CLSTN2: variants seen among roughly 807,000 people sequenced by gnomAD.
CLSTN2 encodes calsyntenin-2.
In CLSTN2, 48 loss-of-function variants were observed where a neutral mutation model predicts 101.2. That is an observed-to-expected ratio of 0.47 (90% confidence interval 0.38 to 0.60). The LOEUF (loss-of-function observed/expected upper bound fraction) is 0.60. Among genes scored for constraint, CLSTN2 ranks in the 20% least tolerant of loss-of-function variants. The pLI, the probability that CLSTN2 is intolerant of heterozygous loss-of-function variation, is 0.00. For missense variants in CLSTN2, 1,160 were observed against 1,238.2 expected (o/e 0.94, Z 0.95); for synonymous variants, 481 against 463.6 (o/e 1.04, Z -0.48).
chr3:140,173,461 T>C (rs2010270575), intron 1 of CLSTN2, among the ~76,000 whole-genome samples: 1 of 152,184 alleles, frequency 6.6e-6, no homozygotes, highest in South Asian at 2.1e-4. Flanking sequence ...CAAGTGTCAG[T>C]GGATCTAGCA....
At chr3:140,338,455 G>A (rs1225657160) in intron 2 of CLSTN2, among the ~76,000 whole-genome samples, 1 of 152,162 alleles carries the variant, frequency 6.6e-6, no homozygotes, top group Non-Finnish European at 1.5e-5. Context: ...ATGCTCTACA[G>A]CCAGTGTTTT....
At position 140,377,954 on chromosome 3, in the gene CLSTN2, A is replaced by C. The variant is rs1046237277; in HGVS notation, c.233-25675A>C. Among the ~76,000 whole-genome samples, 82 of 152,300 alleles carry C rather than the reference A, an allele frequency of 5.4e-4. 1 individual carries two copies. The highest frequency in any genetic ancestry group is 1.9e-3 in the African/African-American group (79 of 41,560). ...CCTGTACAGGTTTACCACTTTAAAA[A>C]AATCTTTTACACCATATTTTTACTG... On this transcript the variant is annotated intron_variant, in intron 2 of 16. Coordinates refer to ENST00000458420, the MANE Select transcript of CLSTN2 (RefSeq NM_022131.3).
intron 1 of CLSTN2, among the ~76,000 whole-genome samples, chr3:139,941,745 T>C (rs558762712): frequency 1.3e-5 from 2 of 152,138 alleles, no homozygotes; most frequent in Non-Finnish European, 1.5e-5. Context: ...GTAAGAGTGA[T>C]TGGCACACAG....
At position 140,569,640 on chromosome 3, in the gene CLSTN2, A is replaced by T. The variant is rs1985461980; in HGVS notation, c.*3387A>T. Reference sequence around the variant, plus strand: ...AATTCATCTAGATACCAAAAATGTGATTTCAGTGAAATCTCTTTTCATTGC... The same window carrying T: ...AATTCATCTAGATACCAAAAATGTGTTTTCAGTGAAATCTCTTTTCATTGC... On this transcript the variant is annotated 3_prime_UTR_variant, in exon 17 of 17. Coordinates refer to ENST00000458420, the MANE Select transcript of CLSTN2 (RefSeq NM_022131.3). The T allele has an allele frequency of 6.6e-6, 1 of 152,180 alleles. No individual in the cohort carries two copies. Among genetic ancestry groups the T allele is most frequent in the Non-Finnish European group, 1.5e-5 (1 of 68,040 alleles). 9.4% of individuals were successfully genotyped at this position (152,180 alleles called of 1,614,324 possible).
At chr3:140,405,040 C>T (rs1483667490) in intron 4 of CLSTN2, among the ~76,000 whole-genome samples, 2 of 152,072 alleles carry the variant, frequency 1.3e-5, no homozygotes, top group South Asian at 2.1e-4. Flanking sequence ...ATCTAGATAC[C>T]GAAGATGGTT....
At position 140,576,070 on chromosome 3, in the gene CLSTN2, C is replaced by T. The variant is rs1985723027; in HGVS notation, c.*9817C>T. 6.6e-6 allele frequency: 1 copy of T among 152,164 alleles called. No individual in the cohort carries two copies. The highest frequency in any genetic ancestry group is 1.5e-5 in the Non-Finnish European group (1 of 68,032). The allele number at this position is 152,164 out of a possible 1,614,324, so 9.4% of individuals were successfully genotyped here. A position where few individuals can be genotyped will look rare whatever the true frequency, so the allele number is the denominator to read the frequency against. On this transcript the variant is annotated 3_prime_UTR_variant, in exon 17 of 17. Coordinates refer to ENST00000458420, the MANE Select transcript of CLSTN2 (RefSeq NM_022131.3). ...AGCTTATCACTCCTTCATAGAGACT[C>T]AGTAGTATGAGTATACCCCAAATTG...
intron 1 of CLSTN2, among the ~76,000 whole-genome samples, chr3:140,044,193 C>T (rs2007820521): frequency 6.6e-6 from 1 of 152,180 alleles, no homozygotes; most frequent in South Asian, 2.1e-4. Flanking sequence ...TTTGTGTCCT[C>T]TTTTATTTCA....
At position 139,935,457 on chromosome 3, in the gene CLSTN2, G is replaced by C. The variant is rs1935003011; in HGVS notation, c.83G>C (p.Arg28Pro). 8.1e-7 allele frequency: 1 copy of C among 1,231,456 alleles called. No homozygotes were observed. Among genetic ancestry groups the C allele is most frequent in the Non-Finnish European group, 1.0e-6 (1 of 987,204 alleles). 76.3% of individuals were successfully genotyped at this position (1,231,456 alleles called of 1,614,324 possible). The change falls in exon 1 of 17, where the codon CGG (arginine) becomes CCG (proline). Residue 28 changes from arginine to proline, a missense_variant. By Grantham distance (103) the Arg-to-Pro change is moderately radical. Coordinates refer to ENST00000458420, the MANE Select transcript of CLSTN2 (RefSeq NM_022131.3). This position sits in a 1 kb window ranked among gnomAD's most constrained non-coding sequence, Gnocchi z 5.5. Reference protein sequence around the residue: ...GSGSGGGGDSRQRRLLAAKVN... With the variant: ...GSGSGGGGDSPQRRLLAAKVN... Reference sequence around the variant, plus strand: ...GGCAGCGGCGGTGGCGGGGACAGCCGGCAGCGCCGCCTCCTCGCGGCTAAA... The same window carrying C: ...GGCAGCGGCGGTGGCGGGGACAGCCCGCAGCGCCGCCTCCTCGCGGCTAAA...
Position 140,305,050 on chromosome 3 carries a change from ACACACT to A in CLSTN2, c.233-98577_233-98572del, listed in dbSNP as rs758047661. On this transcript the variant is annotated intron_variant, in intron 2 of 16. Coordinates refer to ENST00000458420, the MANE Select transcript of CLSTN2 (RefSeq NM_022131.3). Reference sequence around the variant, plus strand: ...CACACACACACACACACACACACACACACACTCTCTCTCTCTCTCTCTGTCTCTCTT... The same window carrying A: ...CACACACACACACACACACACACACACTCTCTCTCTCTCTCTGTCTCTCTT... Among the ~76,000 whole-genome samples the A allele has an allele frequency of 6.0e-4, 88 of 145,988 alleles. No individual in the cohort carries two copies. The Middle Eastern group carries it at 0.011, about 18-fold the overall frequency.
chr3:140,321,994 C>T (rs564628138), intron 2 of CLSTN2, among the ~76,000 whole-genome samples: 19 of 152,348 alleles, frequency 1.2e-4, no homozygotes, highest in African/African-American at 4.3e-4. Context: ...AAGGCCCTCA[C>T]TGTCACTCTC....
intron 2 of CLSTN2, among the ~76,000 whole-genome samples, chr3:140,390,240 T>G (rs1485737356): frequency 6.6e-6 from 1 of 152,178 alleles, no homozygotes; most frequent in Non-Finnish European, 1.5e-5. Flanking sequence ...ATACATGCTT[T>G]TAAAGCTATG....
At chr3:140,045,648 G>A (rs1015652988) in intron 1 of CLSTN2, among the ~76,000 whole-genome samples, 2 of 151,998 alleles carry the variant, frequency 1.3e-5, no homozygotes, top group African/African-American at 4.8e-5. Context: ...TTCTCTTGTG[G>A]GCATTTAATG....
At chr3:140,368,759 G>C (rs2087820543) in intron 2 of CLSTN2, among the ~76,000 whole-genome samples, 1 of 152,206 alleles carries the variant, frequency 6.6e-6, no homozygotes, top group Non-Finnish European at 1.5e-5. Flanking sequence ...TGGGAGGCTG[G>C]TGGACGTTCA....
chr3:140,106,334 A>G (rs2009058119), intron 1 of CLSTN2, among the ~76,000 whole-genome samples: 1 of 152,338 alleles, frequency 6.6e-6, no homozygotes, highest in Non-Finnish European at 1.5e-5. Context: ...GAATAGACAG[A>G]TTTGATCAAG....
intron 1 of CLSTN2, among the ~76,000 whole-genome samples, chr3:140,069,217 C>G (rs2008351104): frequency 1.3e-5 from 2 of 152,192 alleles, no homozygotes; most frequent in African/African-American, 2.4e-5. Context: ...GGACATAACC[C>G]TCCCTCTCTG....
intron 1 of CLSTN2, among the ~76,000 whole-genome samples, chr3:140,022,021 C>A (rs1187976863): frequency 6.6e-6 from 1 of 152,128 alleles, no homozygotes; most frequent in Admixed American, 6.5e-5. Context: ...TGCTGAAGGC[C>A]AGGCTGTTTT....
At chr3:139,997,672 C>T (rs1411066658) in intron 1 of CLSTN2, among the ~76,000 whole-genome samples, 7 of 152,122 alleles carry the variant, frequency 4.6e-5, no homozygotes, top group Non-Finnish European at 1.0e-4. Flanking sequence ...CTTCATTCTT[C>T]TTCAGAAGTG....
At chr3:140,540,426 C>T (rs141204013) in intron 9 of CLSTN2, among the ~76,000 whole-genome samples, 6 of 152,288 alleles carry the variant, frequency 3.9e-5, no homozygotes, top group Non-Finnish European at 7.3e-5. Flanking sequence ...TTTAAAGCTG[C>T]ACTTATAGGG....
chr3:140,191,625 T>C (rs965554358), intron 2 of CLSTN2, among the ~76,000 whole-genome samples: 2 of 151,928 alleles, frequency 1.3e-5, no homozygotes, highest in Non-Finnish European at 2.9e-5. Flanking sequence ...GGTTGTAGTT[T>C]CTGTTTTTCA....
Sources: gnomAD v4.1 joint callset for allele counts (sites outside exome capture counted in the v4.1 genomes callset) on GRCh38, gnomAD v4.1.1 for gene constraint, Gnocchi (gnomAD v3.1) non-coding constraint, MANE v1.5 for transcripts, NCBI Gene and HGNC (gene_info 2026-07-23, HGNC 2026-07-21) for gene names.